Variants in GATB observed in about 807,000 individuals in gnomAD.
GATB encodes the protein glutamyl-tRNA(Gln) amidotransferase subunit B, mitochondrial.
GATB carries 39 observed loss-of-function variants against 62.3 expected under a neutral mutation model. That is an observed-to-expected ratio of 0.63 (90% confidence interval 0.48 to 0.82). The LOEUF (loss-of-function observed/expected upper bound fraction) is 0.82, where lower values mean the gene tolerates loss of function less well. Among genes scored for constraint, GATB ranks in the 40% least tolerant of loss-of-function variants. The pLI is 0.00. For synonymous variants in GATB, 276 were observed against 258.9 expected, an observed-to-expected ratio of 1.07 and a Z score of -0.63; for missense variants, 670 against 684.0, an observed-to-expected ratio of 0.98 and a Z score of 0.23.
At chr4:151,740,978 G>C (rs1042192287) in intron 2 of GATB, among the ~76,000 whole-genome samples, 1 of 151,962 alleles carries the variant, frequency 6.6e-6, no homozygotes, top group African/African-American at 2.4e-5. Context: ...GTACTCTCAG[G>C]CATCTTTGGT....
intron 2 of GATB, among the ~76,000 whole-genome samples, chr4:151,753,949 T>C (rs2127000011): frequency 6.6e-6 from 1 of 152,338 alleles, no homozygotes; most frequent in African/African-American, 2.4e-5. Context: ...CACTGCCACC[T>C]ACCTTCTGTT....
chr4:151,672,702 G>A (rs1386898055), intron 12 of GATB, 60 bp downstream of exon 12: 43 of 1,563,292 alleles, frequency 2.8e-5, no homozygotes, highest in South Asian at 5.9e-5. Flanking sequence ...GAGCGATGGC[G>A]AGGCTCTTGG....
chr4:151,687,142 C>T (rs1318048912), intron 10 of GATB: 1 of 152,282 alleles, frequency 6.6e-6, no homozygotes, highest in East Asian at 1.9e-4. Flanking sequence ...CCTTAGCACA[C>T]AGCAGAGGCT....
chr4:151,760,933 A>G lies in GATB; in HGVS notation c.50T>C (p.Phe17Ser). The G allele has an allele frequency of 3.7e-6, 6 of 1,613,796 alleles. No individual in the cohort carries two copies. Among genetic ancestry groups the G allele is most frequent in the Non-Finnish European group, 4.2e-6 (5 of 1,179,914 alleles). The part of the protein sequence containing the change: ...RWGCRGRRWA[F>S]ARVDGGSCHR... ...GCAAGAACCACCGTCAACCCGGGCG[A>G]AAGCCCAACGTCTTCCACGGCAGCC... Residue 17 changes from phenylalanine (F) to serine (S), a missense_variant, in exon 1 of 13, where the codon TTC (phenylalanine) becomes TCC (serine). Physicochemically the swap from Phe to Ser is radical, Grantham distance 155. Transcript: ENST00000263985.
chr4:151,752,123 G>A (rs1446922167), intron 2 of GATB, among the ~76,000 whole-genome samples: 1 of 152,080 alleles, frequency 6.6e-6, no homozygotes, highest in Non-Finnish European at 1.5e-5. Context: ...TTAAGGCATG[G>A]TTCCATTCTC....
intron 10 of GATB, among the ~76,000 whole-genome samples, chr4:151,681,852 G>T (rs760064538): frequency 6.6e-6 from 1 of 152,170 alleles, no homozygotes; most frequent in African/African-American, 2.4e-5. Flanking sequence ...GAAGGAGCGA[G>T]GGAGCTCTCA....
intron 9 of GATB, chr4:151,691,579 T>C (rs1438398033): frequency 6.6e-6 from 1 of 152,250 alleles, no homozygotes; most frequent in Non-Finnish European, 1.5e-5. Flanking sequence ...CACCACTGCC[T>C]GCTCAGGGAA....
At chr4:151,680,024 G>T (rs554282040) in intron 10 of GATB, 133 bp from the exon 11 acceptor site, 2 of 677,098 alleles carry the variant, frequency 3.0e-6, no homozygotes, top group Admixed American at 2.6e-5. Context: ...GAAAACAGCA[G>T]GCCAACTGGG....
At chr4:151,696,293 C>A (rs76909510) in intron 9 of GATB, among the ~76,000 whole-genome samples, 1,923 of 152,228 alleles carry the variant, frequency 0.013, 39 homozygotes, top group African/African-American at 0.044. Context: ...GGCAGTCTGG[C>A]ATCTTAAAAA....
intron 2 of GATB, among the ~76,000 whole-genome samples, chr4:151,737,681 G>A (rs991041776): frequency 6.6e-6 from 1 of 152,170 alleles, no homozygotes; most frequent in African/African-American, 2.4e-5. Flanking sequence ...ATGGTTTTGT[G>A]GATCAGGCCC....
chr4:151,685,894 A>G (rs1174563886), intron 10 of GATB, among the ~76,000 whole-genome samples: 3 of 152,102 alleles, frequency 2.0e-5, no homozygotes, highest in Admixed American at 1.3e-4. Context: ...CTAAAAAGAA[A>G]ATACAAAAAT....
chr4:151,757,635 G>A (rs943791461), intron 2 of GATB, among the ~76,000 whole-genome samples: 2 of 151,974 alleles, frequency 1.3e-5, no homozygotes, highest in African/African-American at 2.4e-5. Flanking sequence ...ACCATGCCCG[G>A]CTAATTTTTT....
At chr4:151,701,013 G>A (rs575950765) in intron 9 of GATB, among the ~76,000 whole-genome samples, 1 of 152,260 alleles carries the variant, frequency 6.6e-6, no homozygotes, top group East Asian at 1.9e-4. Context: ...AGACACATGG[G>A]AAAAACTCAT....
At chr4:151,673,157 T>C in intron 11 of GATB, 2 of 391,510 alleles carry the variant, frequency 5.1e-6, no homozygotes, top group Non-Finnish European at 9.3e-6. Context: ...CTCCTGAGGC[T>C]GAAGTCTCCC....
rs1158884262 is a variant in GATB, at chr4:151,670,965, G to A, written c.*209C>T. ...CCCTCCTGATGTGGATGAAGCAGGC[G>A]GGGTGGCTGCTGGTCGGCTGTGGAG... On this transcript the variant is annotated 3_prime_UTR_variant, in exon 13 of 13. Coordinates refer to ENST00000263985, the MANE Select transcript of GATB (RefSeq NM_004564.3). 3.5e-5 allele frequency: 20 copies of A among 564,420 alleles called. No homozygotes were observed. The highest frequency in any genetic ancestry group is 2.4e-4 in the Admixed American group (8 of 33,314). 35.0% of individuals were successfully genotyped at this position (564,420 alleles called of 1,614,324 possible).
chr4:151,731,903 C>T (rs1305418461), intron 2 of GATB, among the ~76,000 whole-genome samples: 6 of 150,934 alleles, frequency 4.0e-5, no homozygotes, highest in African/African-American at 9.8e-5. Context: ...CCGCCCCATC[C>T]GGGAGGGAGG....
At chr4:151,678,473 T>A (rs1469060206) in intron 11 of GATB, among the ~76,000 whole-genome samples, 2 of 152,056 alleles carry the variant, frequency 1.3e-5, no homozygotes, top group African/African-American at 4.8e-5. Flanking sequence ...ATATATATAG[T>A]GCTTTTTCTG....
chr4:151,696,523 T>C (rs1468825642), intron 9 of GATB, among the ~76,000 whole-genome samples: 3 of 152,222 alleles, frequency 2.0e-5, no homozygotes, highest in African/African-American at 7.2e-5. Flanking sequence ...ATGAAGAGCG[T>C]AGGCCTTGAA....
chr4:151,700,435 C>G lies in GATB; in HGVS notation c.1197+894G>C, dbSNP rs185339784. Among the ~76,000 whole-genome samples the G allele has an allele frequency of 3.1e-4, 47 of 152,310 alleles. No homozygotes were observed. In the South Asian group the frequency reaches 5.8e-3, roughly 19 times the overall value. ...AATCACTCATTCAACATGCATCTGA[C>G]TGCCTACGTTGTACTGTAAATGCTA... On this transcript the variant is annotated intron_variant, in intron 9 of 12. Transcript: ENST00000263985.
Sources: gnomAD v4.1 joint callset for allele counts (sites outside exome capture counted in the v4.1 genomes callset) on GRCh38, gnomAD v4.1.1 for gene constraint, MANE v1.5 for transcripts, NCBI Gene and HGNC (gene_info 2026-07-23, HGNC 2026-07-21) for gene names.